The following ZNF521 variants were observed in gnomAD, a reference collection of about 807,000 sequenced individuals.
ZNF521 encodes the protein zinc finger protein 521.
A neutral mutation model predicts 105.5 loss-of-function variants in ZNF521; 14 were observed. That is an observed-to-expected ratio of 0.13 (90% CI 0.09 to 0.21). ZNF521 has a LOEUF of 0.21. Ranked by LOEUF, ZNF521 falls within the 10% of genes least tolerant of loss-of-function variation. ZNF521 has a pLI of 1.00. For synonymous variants in ZNF521, 635 were observed against 606.0 expected (o/e 1.05, Z -0.70); for missense variants, 1,233 against 1,629.7 (o/e 0.76, Z 4.19).
intron 7 of ZNF521, among the ~76,000 whole-genome samples, chr18:25,068,608 G>A (rs1330338203): frequency 1.3e-5 from 2 of 151,752 alleles, no homozygotes; most frequent in African/African-American, 4.8e-5. Context: ...CCCTGTGCTC[G>A]GGCATATAGC....
intron 3 of ZNF521, among the ~76,000 whole-genome samples, chr18:25,238,118 T>A (rs1907052316): frequency 6.6e-6 from 1 of 152,126 alleles, no homozygotes; most frequent in Admixed American, 6.6e-5. Flanking sequence ...TGGCTCTACG[T>A]ATTAGAAAAC....
At chr18:25,295,603 T>C (rs1911280378) in intron 3 of ZNF521, among the ~76,000 whole-genome samples, 1 of 138,110 alleles carries the variant, frequency 7.2e-6, no homozygotes, top group Non-Finnish European at 1.6e-5. Flanking sequence ...ACCTACTATG[T>C]ACCCAAAAAA....
chr18:25,174,945 C>T (rs1169850553), intron 5 of ZNF521, among the ~76,000 whole-genome samples: 3 of 152,070 alleles, frequency 2.0e-5, no homozygotes, highest in Non-Finnish European at 4.4e-5. Flanking sequence ...TCTCATTTTT[C>T]CTAAAATACT....
intron 5 of ZNF521, among the ~76,000 whole-genome samples, chr18:25,165,219 G>A (rs1313214811): frequency 1.3e-5 from 2 of 152,122 alleles, no homozygotes; most frequent in East Asian, 3.9e-4. Flanking sequence ...GCCTTGTAAG[G>A]TTTTATGGGA....
chr18:25,147,737 A>G lies in ZNF521; in HGVS notation c.3658+47423T>C, dbSNP rs543363583. On this transcript the variant is annotated intron_variant, in intron 5 of 7. Transcript: ENST00000361524. ...TGATTCTGTTTTCTTTGATCCTACC[A>G]GGTATCAAATACATCAATGCCAAAT... 4.6e-5 allele frequency among the ~76,000 whole-genome samples: 7 copies of G among 152,324 alleles called. No homozygotes were observed. In the East Asian group the frequency reaches 1.2e-3, roughly 25 times the overall value.
At chr18:25,312,735 C>G (rs1255442528) in intron 3 of ZNF521, among the ~76,000 whole-genome samples, 1 of 56,712 alleles carries the variant, frequency 1.8e-5, no homozygotes, top group African/African-American at 6.7e-5. Flanking sequence ...GGCGTGAACC[C>G]GGGAAGCGGA....
At chr18:25,065,634 A>C (rs549150043) in intron 7 of ZNF521, among the ~76,000 whole-genome samples, 1 of 152,006 alleles carries the variant, frequency 6.6e-6, no homozygotes, top group South Asian at 2.1e-4. Flanking sequence ...CTTCTTACCA[A>C]ATAAAAAAAA....
chr18:25,350,883 G>A (rs1337047384), intron 2 of ZNF521, 24 bp downstream of exon 2: 3 of 1,547,326 alleles, frequency 1.9e-6, no homozygotes, highest in South Asian at 1.2e-5. Flanking sequence ...GGGGGAAAGC[G>A]GGGAGCAGGG....
chr18:25,198,995 AATGACGTGACATTGTGTACCT>A (rs944923707), intron 4 of ZNF521, among the ~76,000 whole-genome samples: 5 of 151,968 alleles, frequency 3.3e-5, no homozygotes, highest in African/African-American at 1.2e-4. Flanking sequence ...TAAGAATGGA[AATGACGTGACATTGTGTACCT>A]CTTAATGAGT....
chr18:25,174,711 C>T (rs566702555), intron 5 of ZNF521, among the ~76,000 whole-genome samples: 1 of 152,332 alleles, frequency 6.6e-6, no homozygotes, highest in Admixed American at 6.5e-5. Flanking sequence ...TTCGTTCCAA[C>T]TCTAAAATTG....
intron 3 of ZNF521, among the ~76,000 whole-genome samples, chr18:25,260,576 G>A (rs1013258356): frequency 6.6e-6 from 1 of 152,060 alleles, no homozygotes; most frequent in African/African-American, 2.4e-5. Flanking sequence ...CTAGCACATA[G>A]TAAGTACTTA....
At chr18:25,296,200 A>G (rs1911310975) in intron 3 of ZNF521, among the ~76,000 whole-genome samples, 1 of 152,168 alleles carries the variant, frequency 6.6e-6, no homozygotes, top group South Asian at 2.1e-4. Context: ...ACAAAATTCT[A>G]TGTAGCTCTA....
At chr18:25,221,176 T>C (rs1394821322) in intron 4 of ZNF521, among the ~76,000 whole-genome samples, 4 of 152,178 alleles carry the variant, frequency 2.6e-5, no homozygotes, top group Non-Finnish European at 4.4e-5. Flanking sequence ...TTTCACAAAT[T>C]CAGAAAGCAT....
intron 4 of ZNF521, among the ~76,000 whole-genome samples, chr18:25,216,332 C>G (rs1469701836): frequency 6.6e-6 from 1 of 152,078 alleles, no homozygotes; most frequent in Non-Finnish European, 1.5e-5. Flanking sequence ...AAACTTCAAA[C>G]CTTTTACTGT....
At position 25,089,671 on chromosome 18, in the gene ZNF521, C is replaced by T. The variant is rs149469160; in HGVS notation, c.3791-91G>A. The T allele has an allele frequency of 8.5e-4, 821 of 961,756 alleles. 5 individuals are homozygous for T. The Middle Eastern group carries it at 8.6e-3, about 10-fold the overall frequency. 59.6% of individuals were successfully genotyped at this position (961,756 alleles called of 1,614,324 possible). ...CTGCATGAACAGACAGCAGGCCGGA[C>T]AGCACGCCTCCCAGGTGTGACTTAC... On this transcript the variant is annotated intron_variant, in intron 6 of 7. Transcript: ENST00000361524.
At chr18:25,163,483 G>A (rs955121364) in intron 5 of ZNF521, among the ~76,000 whole-genome samples, 1 of 152,188 alleles carries the variant, frequency 6.6e-6, no homozygotes, top group South Asian at 2.1e-4. Context: ...CCCCTGCAGT[G>A]TGTGGAGACA....
intron 2 of ZNF521, among the ~76,000 whole-genome samples, chr18:25,334,126 A>AT (rs1266452349): frequency 1.3e-5 from 2 of 152,106 alleles, no homozygotes; most frequent in South Asian, 2.1e-4. Context: ...GAGGCATTCA[A>AT]TTTTTTTTAA....
chr18:25,120,695 T>C (rs1360135083), intron 5 of ZNF521, among the ~76,000 whole-genome samples: 4 of 151,952 alleles, frequency 2.6e-5, no homozygotes, highest in African/African-American at 9.7e-5. Flanking sequence ...AAAAGGGACA[T>C]TGATAGATAT....
chr18:25,285,961 T>C (rs1184466290), intron 3 of ZNF521, among the ~76,000 whole-genome samples: 2 of 152,238 alleles, frequency 1.3e-5, no homozygotes, highest in Non-Finnish European at 2.9e-5. Context: ...CAAAGGCCGA[T>C]ATTAAATCCA....
Sources: allele counts gnomAD v4.1 joint callset (sites outside exome capture counted in the v4.1 genomes callset), GRCh38; gene constraint gnomAD v4.1.1; transcripts MANE v1.5; gene names NCBI Gene and HGNC (gene_info 2026-07-23, HGNC 2026-07-21).